Variants in FRY observed in about 807,000 individuals in gnomAD.
FRY encodes the protein FRY microtubule binding protein.
A neutral mutation model predicts 348.4 loss-of-function variants in FRY; 128 were observed. That is an observed-to-expected ratio of 0.37 (90% CI 0.32 to 0.43). The LOEUF is 0.43. Among genes scored for constraint, FRY ranks in the 20% least tolerant of loss-of-function variants. The probability of loss-of-function intolerance (pLI) is 1.00; values close to 1 mark genes in which losing one functional copy is unlikely to be tolerated. For synonymous variants in FRY, 1,370 were observed against 1,374.7 expected, an observed-to-expected ratio of 1.00 and a Z score of 0.08; for missense variants, 2,736 against 3,695.2, an observed-to-expected ratio of 0.74 and a Z score of 6.73.
chr13:32,268,940 A>G (rs1450210520), intron 55 of FRY, among the ~76,000 whole-genome samples: 1 of 152,230 alleles, frequency 6.6e-6, no homozygotes, highest in Non-Finnish European at 1.5e-5. Flanking sequence ...AAAGGAAAAA[A>G]ATGGAAAGGA....
At chr13:32,276,433 G>A in intron 56 of FRY, 31 bp from the exon 57 acceptor site, 1 of 1,121,392 alleles carries the variant, frequency 8.9e-7, no homozygotes, top group Non-Finnish European at 1.4e-6. Context: ...TATCTCTCTA[G>A]TTTTAATACC....
At chr13:32,037,314 C>T (rs1008624491) in intron 1 of FRY, among the ~76,000 whole-genome samples, 1 of 152,112 alleles carries the variant, frequency 6.6e-6, no homozygotes, top group African/African-American at 2.4e-5. Context: ...ATGATGTTTA[C>T]TTTAGAATGG....
In FRY at chr13:32,178,186, C is replaced by T. The variant is rs768326039; in HGVS notation, c.2431C>T (p.Pro811Ser). Residue 811 changes from proline to serine, a missense_variant, in exon 21 of 61, where the codon CCA becomes TCA. Pro to Ser is a moderately conservative substitution (Grantham distance 74). This residue lies in a region of FRY where 449 missense variants were observed against 576.9 expected (regional missense o/e 0.78). Transcript: ENST00000542859. ...HVAVSDSATLPLTHNVDLQWL... is the reference protein window; with the variant it reads ...HVAVSDSATLSLTHNVDLQWL... ...CCTCTTATACCTACAGGCAACATTACCACTCACCCACAATGTGGATCTGCA... is the reference window on the plus strand; with the variant it reads ...CCTCTTATACCTACAGGCAACATTATCACTCACCCACAATGTGGATCTGCA... 1.9e-6 allele frequency: 3 copies of T among 1,614,194 alleles called. No individual in the cohort carries two copies. The highest frequency in any genetic ancestry group is 1.1e-5 in the South Asian group (1 of 91,084).
Position 32,225,803 on chromosome 13 carries a change from C to T in FRY, c.5035C>T (p.Arg1679Trp), listed in dbSNP as rs370742861. Residue 1679 changes from arginine to tryptophan, a missense_variant, in exon 39 of 61, where the codon CGG becomes TGG. Physicochemically the swap from Arg to Trp is moderately radical, Grantham distance 101. Around this residue, in one of 9 missense-constraint regions of FRY, gnomAD observed 794 missense variants for 977.0 expected, o/e 0.81. Transcript: ENST00000542859. ...TTTTGTTCCAGGTTTAGACCACTAC[C>T]GGCCTGAAGTCTTTGAACACAGCAA... ...HAVFLGLDHY[R>W]PEVFEHSKKL... 8.7e-6 allele frequency: 14 copies of T among 1,613,406 alleles called. No homozygotes were observed. The highest frequency in any genetic ancestry group is 2.2e-5 in the East Asian group (1 of 44,894).
intron 53 of FRY, 108 bp from the exon 54 acceptor site, chr13:32,265,342 C>A: frequency 9.3e-7 from 1 of 1,078,764 alleles, no homozygotes; most frequent in Non-Finnish European, 1.4e-6. Context: ...GTCCCCATTT[C>A]TATCACCATC....
chr13:32,254,160 A>G (rs1887221236), intron 50 of FRY, 64 bp from the exon 51 acceptor site: 1 of 1,534,534 alleles, frequency 6.5e-7, no homozygotes, highest in Non-Finnish European at 9.0e-7. Flanking sequence ...GCCAATTACA[A>G]TTTTTCGTAG....
At chr13:32,179,076 T>C (rs762827974) in intron 22 of FRY, 43 bp downstream of exon 22, 10 of 1,504,430 alleles carry the variant, frequency 6.6e-6, no homozygotes, top group African/African-American at 2.7e-5. Flanking sequence ...TAAGGTTTTT[T>C]TTTAGCTTGT....
At chr13:32,234,980 G>A (rs983644682) in intron 42 of FRY, among the ~76,000 whole-genome samples, 1 of 152,110 alleles carries the variant, frequency 6.6e-6, no homozygotes, top group Non-Finnish European at 1.5e-5. Flanking sequence ...TTTTATATAA[G>A]CCAACAACTG....
chr13:32,236,303 G>A, intron 43 of FRY, 131 bp downstream of exon 43: 1 of 681,224 alleles, frequency 1.5e-6, no homozygotes, highest in Non-Finnish European at 2.6e-6. Flanking sequence ...GAAAAAGTAT[G>A]TGTAATACTT....
chr13:32,140,288 C>A (rs1476727335), intron 11 of FRY, among the ~76,000 whole-genome samples: 1 of 152,184 alleles, frequency 6.6e-6, no homozygotes, highest in Non-Finnish European at 1.5e-5. Context: ...GTTGTTTATG[C>A]ATTTCCAAAT....
At chr13:32,064,919 A>G (rs1219282857) in intron 1 of FRY, among the ~76,000 whole-genome samples, 1 of 152,248 alleles carries the variant, frequency 6.6e-6, no homozygotes, top group Non-Finnish European at 1.5e-5. Flanking sequence ...ATGATAAAAG[A>G]TGCCTATGTA....
intron 4 of FRY, among the ~76,000 whole-genome samples, chr13:32,122,316 G>A (rs113115519): frequency 0.081 from 12,337 of 151,772 alleles, 544 homozygotes; most frequent in African/African-American, 0.13. Flanking sequence ...GGTGGTAGGC[G>A]CCTATAGTCC....
At position 32,262,379 on chromosome 13, in the gene FRY, G is replaced by C. The variant is rs761272364; in HGVS notation, c.7683G>C (p.Ser2561=). The change falls in exon 53 of 61, where the codon TCG becomes TCC. Residue 2561 remains serine (S), a synonymous_variant. Coordinates refer to ENST00000542859, the MANE Select transcript of FRY (RefSeq NM_023037.3). ...PMELLTTACD[S]TPAEPHSFNT... is the part of the protein sequence containing the mutation. ...AGCTGCTCACCACAGCCTGTGACTC[G>C]ACCCCTGCAGAACCTCATTCCTTTA... 5.0e-6 allele frequency: 8 copies of C among 1,613,254 alleles called. No individual in the cohort carries two copies. Among genetic ancestry groups the C allele is most frequent in the Non-Finnish European group, 6.8e-6 (8 of 1,179,322 alleles).
At chr13:32,185,698 TA>T (rs1188752253) in intron 26 of FRY, among the ~76,000 whole-genome samples, 1 of 152,226 alleles carries the variant, frequency 6.6e-6, no homozygotes. Flanking sequence ...TAGTTTGCTA[TA>T]AAAAATTATT....
At chr13:32,219,985 T>C (rs990135387) in intron 36 of FRY, among the ~76,000 whole-genome samples, 2 of 152,228 alleles carry the variant, frequency 1.3e-5, no homozygotes, top group African/African-American at 2.4e-5. Flanking sequence ...CCTGGACAGC[T>C]TCTGTAGATA....
chr13:32,251,836 A>G (rs746648767), intron 49 of FRY, 42 bp from the exon 50 acceptor site: 6 of 1,332,292 alleles, frequency 4.5e-6, no homozygotes, highest in Admixed American at 1.7e-5. Context: ...AGATTTGCTC[A>G]CAGGAACCCA....
At chr13:32,045,594 T>A (rs1872980768) in intron 1 of FRY, among the ~76,000 whole-genome samples, 1 of 152,236 alleles carries the variant, frequency 6.6e-6, no homozygotes, top group African/African-American at 2.4e-5. Flanking sequence ...CTGGGAGTGA[T>A]CATCTAAATT....
Position 32,236,117 on chromosome 13 carries a change from G to A in FRY, c.5755G>A (p.Val1919Met), listed in dbSNP as rs1566156038. ...MEALLTLEAA[V>M]DNLSDCLKNS... Reference sequence around the variant, plus strand: ...AGCGCTCCTAACCTTGGAGGCGGCTGTGGATAACTTGTCTGACTGCTTGAA... The same window carrying A: ...AGCGCTCCTAACCTTGGAGGCGGCTATGGATAACTTGTCTGACTGCTTGAA... Residue 1919 changes from valine to methionine, a missense_variant, in exon 43 of 61, where the codon GTG becomes ATG. Around this residue, in one of 9 missense-constraint regions of FRY, gnomAD observed 794 missense variants for 977.0 expected, o/e 0.81. Coordinates refer to ENST00000542859, the MANE Select transcript of FRY (RefSeq NM_023037.3). 3 of 1,614,086 alleles carry A rather than the reference G, an allele frequency of 1.9e-6. No individual in the cohort carries two copies. Among genetic ancestry groups the A allele is most frequent in the Middle Eastern group, 3.3e-4 (2 of 6,062 alleles).
intron 26 of FRY, among the ~76,000 whole-genome samples, chr13:32,185,619 A>G (rs749300888): frequency 2.6e-5 from 4 of 152,226 alleles, no homozygotes; most frequent in Admixed American, 1.3e-4. Context: ...GGAGAAAATT[A>G]TCTTTCACAG....
Sources: allele counts gnomAD v4.1 joint callset (sites outside exome capture counted in the v4.1 genomes callset), GRCh38; gene constraint gnomAD v4.1.1; regional missense constraint gnomAD v4.1.1; transcripts MANE v1.5; gene names NCBI Gene and HGNC (gene_info 2026-07-23, HGNC 2026-07-21).